The following DNAH7 variants were observed in gnomAD, a reference collection of about 807,000 sequenced individuals.
The protein encoded by DNAH7 is dynein axonemal heavy chain 7.
In DNAH7, 397 loss-of-function variants were observed where a neutral mutation model predicts 444.6. The ratio of observed to expected loss-of-function variants is 0.89; its 90% CI spans 0.82 to 0.97. DNAH7 has a LOEUF of 0.97. Among genes scored for constraint, DNAH7 ranks in the 50% least tolerant of loss-of-function variants. The pLI is 0.00. For synonymous variants in DNAH7, 1,636 were observed against 1,624.4 expected (o/e 1.01, Z -0.17); for missense variants, 4,902 against 4,800.8 (o/e 1.02, Z -0.62).
chr2:195,924,008 T>G (rs1480561744), intron 22 of DNAH7, among the ~76,000 whole-genome samples: 1 of 152,172 alleles, frequency 6.6e-6, no homozygotes, highest in Non-Finnish European at 1.5e-5. Flanking sequence ...ATAATGGATA[T>G]ATGTAATTTG....
intron 1 of DNAH7, among the ~76,000 whole-genome samples, chr2:196,066,649 T>G (rs928409141): frequency 6.6e-6 from 1 of 152,218 alleles, no homozygotes; most frequent in Non-Finnish European, 1.5e-5. Context: ...AGATTTACAT[T>G]TCTTCTAAAT....
At chr2:195,836,469 C>A (rs1249273686) in intron 47 of DNAH7, among the ~76,000 whole-genome samples, 1 of 151,384 alleles carries the variant, frequency 6.6e-6, no homozygotes, top group African/African-American at 2.4e-5. Context: ...TGTACTCCAG[C>A]CTGGGTGACA....
Position 195,778,781 on chromosome 2 carries a change from C to T in DNAH7, c.10879-796G>A, listed in dbSNP as rs1021303866. 4.1e-5 allele frequency among the ~76,000 whole-genome samples: 6 copies of T among 147,064 alleles called. No individual in the cohort carries two copies. In the Admixed American group the frequency reaches 4.1e-4, roughly 10 times the overall value. ...AGAGATCAGCAGTGTTACTTCACCA[C>T]CTTTCAATATCCATATATATTTGAC... On this transcript the variant is annotated intron_variant, in intron 58 of 64. Coordinates refer to ENST00000312428, the MANE Select transcript of DNAH7 (RefSeq NM_018897.3).
intron 47 of DNAH7, among the ~76,000 whole-genome samples, chr2:195,843,611 C>T (rs1249862406): frequency 6.6e-6 from 1 of 152,174 alleles, no homozygotes; most frequent in Admixed American, 6.5e-5. Flanking sequence ...CTAACAGTAA[C>T]TACTCCTTTA....
intron 36 of DNAH7, 55 bp downstream of exon 36, chr2:195,881,740 A>C (rs1701391559): frequency 1.3e-6 from 2 of 1,514,088 alleles, no homozygotes; most frequent in South Asian, 1.2e-5. Flanking sequence ...CTATTTCAAA[A>C]ACATTCTTAG....
chr2:196,022,129 G>GA (rs561769039), intron 8 of DNAH7, among the ~76,000 whole-genome samples: 28 of 150,252 alleles, frequency 1.9e-4, no homozygotes, highest in Non-Finnish European at 2.8e-4. Flanking sequence ...CCTGTCTCGG[G>GA]AAAAAAAAAT....
At chr2:196,000,946 C>T in intron 11 of DNAH7, 63 bp from the exon 12 acceptor site, 3 of 1,321,066 alleles carry the variant, frequency 2.3e-6, no homozygotes, top group South Asian at 1.9e-5. Flanking sequence ...CTAAGTAGTA[C>T]ACCAGTCCCA....
intron 17 of DNAH7, among the ~76,000 whole-genome samples, chr2:195,964,438 T>C (rs1691323001): frequency 6.6e-6 from 1 of 152,108 alleles, no homozygotes; most frequent in African/African-American, 2.4e-5. Flanking sequence ...CTTTTTCAGA[T>C]TGTCCACCTT....
chr2:196,010,382 A>G (rs539845607), intron 10 of DNAH7, among the ~76,000 whole-genome samples: 1 of 152,170 alleles, frequency 6.6e-6, no homozygotes, highest in South Asian at 2.1e-4. Context: ...CCTGACCTCA[A>G]GTGATCTGCC....
In DNAH7 at chr2:195,844,987, A is replaced by G; in HGVS notation, c.8945+15T>C. Reference sequence around the variant, plus strand: ...ATTTAATAAAGACCATTTGTGAGAAAAATATTTTTCTTACATTATGATTAT... The same window carrying G: ...ATTTAATAAAGACCATTTGTGAGAAGAATATTTTTCTTACATTATGATTAT... On this transcript the variant is annotated intron_variant, in intron 47 of 64. Transcript: ENST00000312428. 5 of 1,607,558 alleles carry G rather than the reference A, an allele frequency of 3.1e-6. No individual in the cohort carries two copies. The highest frequency in any genetic ancestry group is 4.2e-6 in the Non-Finnish European group (5 of 1,176,664).
intron 24 of DNAH7, among the ~76,000 whole-genome samples, chr2:195,917,912 T>TC (rs1198499393): frequency 1.3e-5 from 2 of 152,130 alleles, no homozygotes. Context: ...CAAGTGATCC[T>TC]CCTCCCTTGG....
chr2:195,954,352 T>G (rs1045584805), intron 19 of DNAH7, among the ~76,000 whole-genome samples: 2 of 152,218 alleles, frequency 1.3e-5, no homozygotes, highest in Admixed American at 1.3e-4. Flanking sequence ...ACAAAGGACA[T>G]GAACTCATCC....
At chr2:195,871,232 T>C (rs1700667776) in intron 40 of DNAH7, among the ~76,000 whole-genome samples, 1 of 152,228 alleles carries the variant, frequency 6.6e-6, no homozygotes, top group African/African-American at 2.4e-5. Context: ...AAAAGACCTT[T>C]TGAAATTTAT....
At chr2:195,867,300 T>C (rs981978762) in intron 40 of DNAH7, among the ~76,000 whole-genome samples, 2 of 152,178 alleles carry the variant, frequency 1.3e-5, no homozygotes, top group African/African-American at 2.4e-5. Context: ...TCACCACCTC[T>C]CACATTTTAA....
rs775133666 is a variant in DNAH7 at position 195,756,205 on chromosome 2, A to G, written c.11514T>C (p.Gly3838=). 20 of 1,613,642 alleles carry G rather than the reference A, an allele frequency of 1.2e-5. No individual in the cohort carries two copies. The highest frequency in any genetic ancestry group is 8.3e-5 in the Admixed American group (5 of 59,972). The change falls in exon 62 of 65, where the codon GGT becomes GGC. Residue 3838 remains glycine (G), a synonymous_variant. Coordinates refer to ENST00000312428, the MANE Select transcript of DNAH7 (RefSeq NM_018897.3). ...GTGGTTTAAGGCTTGGGTAGGATTTACCCATCCACATTTCTGGAATTTTGA... is the reference window on the plus strand; with the variant it reads ...GTGGTTTAAGGCTTGGGTAGGATTTGCCCATCCACATTTCTGGAATTTTGA... The part of the protein sequence containing the change: ...LNVKIPEMWM[G]KSYPSLKPLG...
intron 23 of DNAH7, 121 bp from the exon 24 acceptor site, chr2:195,922,318 A>G: frequency 1.7e-6 from 1 of 603,588 alleles, no homozygotes; most frequent in Non-Finnish European, 2.9e-6. Context: ...TTCAGGTGTC[A>G]TTTGATTCCA....
intron 61 of DNAH7, among the ~76,000 whole-genome samples, chr2:195,768,037 T>G (rs1694666515): frequency 1.3e-5 from 2 of 151,746 alleles, no homozygotes; most frequent in South Asian, 4.1e-4. Context: ...ATTTGATAAC[T>G]GTATTGTGAT....
At position 195,864,834 on chromosome 2, in the gene DNAH7, T is replaced by A; in HGVS notation, c.6821A>T (p.His2274Leu). 1 of 1,614,218 alleles carries A rather than the reference T, an allele frequency of 6.2e-7. No individual in the cohort carries two copies. Among genetic ancestry groups the A allele is most frequent in the Admixed American group, 1.7e-5 (1 of 60,026 alleles). The change falls in exon 41 of 65, where the codon CAT (histidine) becomes CTT (leucine). Residue 2274 changes from histidine to leucine, a missense_variant. Transcript: ENST00000312428. ...DLRSLMFCDF[H>L]DPKREDTNYR... The stretch of plus-strand genomic sequence containing the variant: ...GTTGGTATCCTCCCTCTTGGGATCA[T>A]GGAAATCACAAAACATTAAGCTGCG...
chr2:195,791,651 C>T (rs1695884133), intron 57 of DNAH7, among the ~76,000 whole-genome samples: 1 of 152,142 alleles, frequency 6.6e-6, no homozygotes, highest in African/African-American at 2.4e-5. Context: ...TGGAATCAAC[C>T]TTAGTGTACA....
Sources: gnomAD v4.1 joint callset for allele counts (sites outside exome capture counted in the v4.1 genomes callset) on GRCh38, gnomAD v4.1.1 for gene constraint, MANE v1.5 for transcripts, NCBI Gene and HGNC (gene_info 2026-07-23, HGNC 2026-07-21) for gene names.